The following BCAS1 variants were observed in gnomAD, a reference collection of about 807,000 sequenced individuals.
BCAS1 encodes the protein brain enriched myelin associated protein 1.
A neutral mutation model predicts 65.4 loss-of-function variants in BCAS1; 46 were observed. The ratio of observed to expected loss-of-function variants is 0.70; its 90% CI spans 0.55 to 0.90. The LOEUF (loss-of-function observed/expected upper bound fraction) is 0.90. BCAS1 is among the 40% of genes least tolerant of loss of function. The pLI is 0.00. For synonymous variants in BCAS1, 298 were observed against 293.5 expected, an observed-to-expected ratio of 1.02 and a Z score of -0.16; for missense variants, 793 against 771.2, an observed-to-expected ratio of 1.03 and a Z score of -0.33.
intron 8 of BCAS1, among the ~76,000 whole-genome samples, chr20:53,978,811 C>G (rs1186636649): frequency 6.6e-6 from 1 of 152,108 alleles, no homozygotes; most frequent in Admixed American, 6.5e-5. Context: ...AAAATCTGCT[C>G]AGAACCCAAG....
At chr20:53,987,437 T>C (rs542132691) in intron 7 of BCAS1, among the ~76,000 whole-genome samples, 1 of 152,370 alleles carries the variant, frequency 6.6e-6, no homozygotes, top group Admixed American at 6.5e-5. Flanking sequence ...ATTTTAGCTC[T>C]AAACGGTAAT....
At chr20:54,015,280 C>A (rs208643) in intron 4 of BCAS1, among the ~76,000 whole-genome samples, 1 of 151,854 alleles carries the variant, frequency 6.6e-6, no homozygotes. Flanking sequence ...GATCCACCCC[C>A]CTTGGCCTCC....
chr20:53,995,869 G>A (rs772264353), intron 5 of BCAS1, 23 bp downstream of exon 5: 1 of 1,575,134 alleles, frequency 6.3e-7, no homozygotes, highest in Non-Finnish European at 8.6e-7. Context: ...GAGTGGAGGG[G>A]AAAAGAGGAG....
chr20:54,007,911 G>A (rs1049266324), intron 4 of BCAS1, among the ~76,000 whole-genome samples: 3 of 152,150 alleles, frequency 2.0e-5, no homozygotes, highest in South Asian at 4.1e-4. Flanking sequence ...AGGACCCGAG[G>A]AAAAACACGA....
At chr20:54,058,816 C>G (rs2092339062) in intron 1 of BCAS1, 93 bp from the exon 2 acceptor site, 6 of 1,419,116 alleles carry the variant, frequency 4.2e-6, no homozygotes, top group Non-Finnish European at 5.8e-6. Context: ...ACAAGCCGCC[C>G]ATGGCTGTAT....
intron 3 of BCAS1, among the ~76,000 whole-genome samples, chr20:54,045,297 A>G (rs1365870045): frequency 1.3e-5 from 2 of 152,216 alleles, no homozygotes; most frequent in Non-Finnish European, 2.9e-5. Flanking sequence ...CTGAATGCCC[A>G]AAATTAGCAT....
At chr20:53,947,249 T>C (rs1170152010) in intron 12 of BCAS1, among the ~76,000 whole-genome samples, 1 of 152,206 alleles carries the variant, frequency 6.6e-6, no homozygotes, top group Non-Finnish European at 1.5e-5. Context: ...GTATATGCAA[T>C]GTACTTTGAA....
At chr20:53,951,256 C>T (rs961250054) in intron 12 of BCAS1, among the ~76,000 whole-genome samples, 5 of 152,088 alleles carry the variant, frequency 3.3e-5, no homozygotes, top group South Asian at 2.1e-4. Context: ...GCGGATCACT[C>T]GAGCTCGGGA....
chr20:53,952,257 T>G (rs943376406), intron 12 of BCAS1, among the ~76,000 whole-genome samples: 2 of 152,272 alleles, frequency 1.3e-5, no homozygotes, highest in Admixed American at 1.3e-4. Context: ...CTGCTGTTTA[T>G]GCAGTCCTAT....
rs186445116 is a variant in BCAS1 at position 54,056,194 on chromosome 20, G to A, written c.142+1891C>T. Among the ~76,000 whole-genome samples the A allele has an allele frequency of 2.5e-3, 382 of 152,070 alleles. 1 individual carries two copies. Among genetic ancestry groups the A allele is most frequent in the Non-Finnish European group, 2.5e-3 (167 of 67,984 alleles). On this transcript the variant is annotated intron_variant, in intron 3 of 12. Coordinates refer to ENST00000688948, the MANE Select transcript of BCAS1 (RefSeq NM_001366298.2). ...CACACCCTACAACAAAAACAAAAAA[G>A]TAGCTATGTATGGTGGTGGATGTGT...
intron 4 of BCAS1, among the ~76,000 whole-genome samples, chr20:53,999,666 C>T (rs1456258410): frequency 6.6e-6 from 1 of 152,102 alleles, no homozygotes; most frequent in Non-Finnish European, 1.5e-5. Context: ...ACCTTTGCAT[C>T]TGGGCTGAGC....
intron 10 of BCAS1, among the ~76,000 whole-genome samples, chr20:53,960,195 A>G (rs1384154134): frequency 6.6e-6 from 1 of 152,154 alleles, no homozygotes; most frequent in Non-Finnish European, 1.5e-5. Context: ...GCACTCCACC[A>G]CCTTCTAGAG....
At chr20:53,970,389 C>T (rs779250262) in intron 9 of BCAS1, among the ~76,000 whole-genome samples, 14 of 152,282 alleles carry the variant, frequency 9.2e-5, no homozygotes, top group Non-Finnish European at 1.9e-4. Flanking sequence ...TGTGGAAATC[C>T]AGAACAATCT....
intron 1 of BCAS1, among the ~76,000 whole-genome samples, chr20:54,063,949 C>G (rs1210152082): frequency 6.6e-6 from 1 of 151,712 alleles, no homozygotes; most frequent in Admixed American, 6.6e-5. Context: ...AGTGTTTTGT[C>G]TTTATGACCT....
intron 3 of BCAS1, among the ~76,000 whole-genome samples, chr20:54,044,564 G>A (rs572873082): frequency 1.4e-4 from 22 of 152,256 alleles, no homozygotes; most frequent in African/African-American, 4.1e-4. Flanking sequence ...CCGGCCGGGC[G>A]CGGTGGCTCA....
intron 7 of BCAS1, among the ~76,000 whole-genome samples, chr20:53,985,723 TATTA>T (rs1402362722): frequency 6.6e-6 from 1 of 152,136 alleles, no homozygotes; most frequent in Admixed American, 6.5e-5. Context: ...ATAGAAGCAT[TATTA>T]ATTATGTTTA....
chr20:53,977,567 T>C (rs2090366302), intron 8 of BCAS1, among the ~76,000 whole-genome samples: 1 of 152,204 alleles, frequency 6.6e-6, no homozygotes, highest in Admixed American at 6.5e-5. Context: ...CTAGAAAGTT[T>C]CTGGTTGTTC....
At chr20:53,960,652 TTAA>T (rs1435306824) in intron 10 of BCAS1, among the ~76,000 whole-genome samples, 4 of 152,130 alleles carry the variant, frequency 2.6e-5, no homozygotes, top group Non-Finnish European at 4.4e-5. Context: ...GCAGTTATTA[TTAA>T]TAACAACTGT....
chr20:53,968,490 A>G (rs750285644), intron 9 of BCAS1, among the ~76,000 whole-genome samples: 2 of 152,196 alleles, frequency 1.3e-5, no homozygotes, highest in Non-Finnish European at 2.9e-5. Flanking sequence ...AAATGACCCG[A>G]ATTTTCCAAA....
Sources: allele counts gnomAD v4.1 joint callset (sites outside exome capture counted in the v4.1 genomes callset), GRCh38; gene constraint gnomAD v4.1.1; transcripts MANE v1.5; gene names NCBI Gene and HGNC (gene_info 2026-07-23, HGNC 2026-07-21).